Variants in DLG2 observed in about 807,000 individuals in gnomAD.
DLG2 encodes discs large MAGUK scaffold protein 2, also known as disks large homolog 2.
Under a neutral mutation model 132.5 loss-of-function variants are expected in DLG2, and 45 were observed. The ratio of observed to expected loss-of-function variants is 0.34; its 90% confidence interval spans 0.27 to 0.44. The LOEUF is 0.44. Ranked by LOEUF, DLG2 falls within the 20% of genes least tolerant of loss-of-function variation. The pLI is 1.00. For missense variants in DLG2, 1,045 were observed against 1,196.9 expected, an observed-to-expected ratio of 0.87 and a Z score of 1.87; for synonymous variants, 424 against 419.6, an observed-to-expected ratio of 1.01 and a Z score of -0.13.
intron 18 of DLG2, among the ~76,000 whole-genome samples, chr11:83,681,186 G>A (rs912614047): frequency 5.3e-5 from 8 of 152,102 alleles, no homozygotes; most frequent in Admixed American, 1.3e-4. Flanking sequence ...AAAAAAGTAC[G>A]TCAAGCTGTC....
chr11:85,013,909 A>T (rs554297746), intron 6 of DLG2, among the ~76,000 whole-genome samples: 123 of 152,264 alleles, frequency 8.1e-4, no homozygotes, highest in African/African-American at 3.0e-3. Context: ...AAAATATTAG[A>T]ATGAGTGATT....
intron 18 of DLG2, among the ~76,000 whole-genome samples, chr11:83,769,063 A>G (rs1566893108): frequency 6.6e-6 from 1 of 152,248 alleles, no homozygotes; most frequent in Non-Finnish European, 1.5e-5. Flanking sequence ...TGGGCACTCC[A>G]TAATGATAAC....
intron 6 of DLG2, among the ~76,000 whole-genome samples, chr11:85,067,827 AGCCTGG>A (rs2065159759): frequency 6.6e-6 from 1 of 152,076 alleles, no homozygotes; most frequent in Non-Finnish European, 1.5e-5. Context: ...CTGATACCAA[AGCCTGG>A]GAGAGACACA....
At chr11:84,304,999 A>G (rs1165640753) in intron 7 of DLG2, among the ~76,000 whole-genome samples, 1 of 152,332 alleles carries the variant, frequency 6.6e-6, no homozygotes, top group East Asian at 1.9e-4. Context: ...ACAACTGACT[A>G]CACATATTTT....
intron 6 of DLG2, among the ~76,000 whole-genome samples, chr11:85,026,680 A>G (rs1367753837): frequency 6.6e-6 from 1 of 152,030 alleles, no homozygotes; most frequent in African/African-American, 2.4e-5. Flanking sequence ...TACTAAAAAC[A>G]CAACAAATTA....
chr11:85,356,484 GAC>G (rs558090787), intron 3 of DLG2, among the ~76,000 whole-genome samples: 20 of 152,194 alleles, frequency 1.3e-4, no homozygotes, highest in Non-Finnish European at 2.4e-4. Flanking sequence ...ATTATTATGA[GAC>G]AGAGATCCAA....
chr11:85,016,377 A>T (rs10792796), intron 6 of DLG2, among the ~76,000 whole-genome samples: 77,519 of 151,858 alleles, frequency 0.51, 20,021 homozygotes, highest in East Asian at 0.66. Context: ...TCACAGTGAT[A>T]TCCATCACTT....
chr11:83,496,974 C>T (rs1213454623), intron 21 of DLG2, among the ~76,000 whole-genome samples: 4 of 152,194 alleles, frequency 2.6e-5, no homozygotes. Flanking sequence ...AGGTGTTCTA[C>T]CCAATGTTGT....
chr11:84,573,170 T>C (rs2099489928), intron 6 of DLG2, among the ~76,000 whole-genome samples: 1 of 152,170 alleles, frequency 6.6e-6, no homozygotes. Context: ...CTAGTGGTAT[T>C]CAACATGTGG....
chr11:84,293,896 A>C (rs1176527746), intron 7 of DLG2, among the ~76,000 whole-genome samples: 1 of 152,230 alleles, frequency 6.6e-6, no homozygotes, highest in Non-Finnish European at 1.5e-5. Context: ...TGCAATAACT[A>C]GATATTCTAC....
intron 8 of DLG2, among the ~76,000 whole-genome samples, chr11:84,196,624 G>A (rs2096522146): frequency 6.6e-6 from 1 of 152,106 alleles, no homozygotes; most frequent in Non-Finnish European, 1.5e-5. Context: ...GGTATTTTAG[G>A]AAGATTGACT....
chr11:84,505,295 T>A lies in DLG2; in HGVS notation c.519+29275A>T, dbSNP rs372110387. ...AATTAAAAGTAGCATTCTATGAGCGTATACTGTATACTAGCTATTGCATCA... is the reference window on the plus strand; with the variant it reads ...AATTAAAAGTAGCATTCTATGAGCGAATACTGTATACTAGCTATTGCATCA... On this transcript the variant is annotated intron_variant, in intron 7 of 27. Transcript: ENST00000376104. 2.0e-5 allele frequency among the ~76,000 whole-genome samples: 3 copies of A among 152,300 alleles called. No homozygotes were observed. The East Asian group carries it at 5.8e-4, about 29-fold the overall frequency.
At chr11:84,055,755 T>A (rs1026593927) in intron 11 of DLG2, among the ~76,000 whole-genome samples, 27 of 152,108 alleles carry the variant, frequency 1.8e-4, no homozygotes, top group African/African-American at 5.3e-4. Context: ...TAACAATCTG[T>A]TACATTTATT....
At chr11:85,089,468 T>C (rs1188747267) in intron 6 of DLG2, among the ~76,000 whole-genome samples, 5 of 152,214 alleles carry the variant, frequency 3.3e-5, no homozygotes, top group African/African-American at 7.2e-5. Flanking sequence ...GATTTAGTTC[T>C]TTTTTATGGC....
At position 84,357,240 on chromosome 11, in the gene DLG2, G is replaced by A. The variant is rs141780369; in HGVS notation, c.520-105949C>T. ...ATAGAAGACATAGGAGGCAATTCCT[G>A]TTGTCTCATTTAATCCACACATCAA... On this transcript the variant is annotated intron_variant, in intron 7 of 27. Coordinates refer to ENST00000376104, the MANE Select transcript of DLG2 (RefSeq NM_001142699.3). Among the ~76,000 whole-genome samples, 1,222 of 152,100 alleles carry A rather than the reference G, an allele frequency of 8.0e-3. 55 individuals are homozygous for A. The highest frequency in any genetic ancestry group is 1.5e-3 in the Non-Finnish European group (105 of 67,966).
At chr11:84,047,475 G>A (rs1025150090) in intron 11 of DLG2, among the ~76,000 whole-genome samples, 6 of 151,462 alleles carry the variant, frequency 4.0e-5, no homozygotes, top group Admixed American at 6.6e-5. Context: ...ATTTATAGTT[G>A]TATTTACCAC....
At chr11:84,316,947 A>AC (rs2098364508) in intron 7 of DLG2, 2 of 1,612,216 alleles carry the variant, frequency 1.2e-6, no homozygotes, top group Non-Finnish European at 8.5e-7. Context: ...TTGAAGCTGG[A>AC]CCCCCCGGTC....
intron 7 of DLG2, among the ~76,000 whole-genome samples, chr11:84,497,287 A>G (rs1163086957): frequency 2.6e-5 from 4 of 152,272 alleles, no homozygotes; most frequent in African/African-American, 9.6e-5. Flanking sequence ...GGTTGTTAAG[A>G]CATTAAATAA....
chr11:85,199,125 C>T (rs1189563439), intron 4 of DLG2, among the ~76,000 whole-genome samples: 1 of 152,108 alleles, frequency 6.6e-6, no homozygotes, highest in Non-Finnish European at 1.5e-5. Flanking sequence ...ATGTTCAGAG[C>T]AACTTTATTC....
Sources: gnomAD v4.1 joint callset for allele counts (sites outside exome capture counted in the v4.1 genomes callset) on GRCh38, gnomAD v4.1.1 for gene constraint, MANE v1.5 for transcripts, NCBI Gene and HGNC (gene_info 2026-07-23, HGNC 2026-07-21) for gene names.